Variants in QPCTL observed in about 807,000 individuals in gnomAD.
QPCTL encodes glutaminyl-peptide cyclotransferase-like protein.
QPCTL carries 31 observed loss-of-function variants against 34.6 expected under a neutral mutation model. That is an observed-to-expected ratio of 0.90 (90% CI 0.67 to 1.21). The LOEUF (loss-of-function observed/expected upper bound fraction) is 1.21, where lower values mean the gene tolerates loss of function less well. Among genes scored for constraint, QPCTL ranks in the 50% most tolerant of loss-of-function variants. The pLI is 0.00. For synonymous variants in QPCTL, 223 were observed against 226.9 expected (o/e 0.98, Z 0.15); for missense variants, 474 against 507.8 (o/e 0.93, Z 0.64).
At chr19:45,698,446 A>G in intron 3 of QPCTL, 101 bp from the exon 4 acceptor site, 1 of 1,406,938 alleles carries the variant, frequency 7.1e-7, no homozygotes, top group Admixed American at 2.1e-5. Context: ...AGGACACCTT[A>G]TGTGTTCTCT....
chr19:45,695,875 C>T (rs1274577577), intron 3 of QPCTL, among the ~76,000 whole-genome samples, 157 bp downstream of exon 3: 2 of 149,316 alleles, frequency 1.3e-5, no homozygotes, highest in Non-Finnish European at 3.0e-5. Context: ...GACGGAGTTT[C>T]GCTCTTGTTC....
intron 5 of QPCTL, among the ~76,000 whole-genome samples, chr19:45,700,943 G>T (rs1318852545): frequency 7.6e-6 from 1 of 130,976 alleles, no homozygotes; most frequent in Non-Finnish European, 1.6e-5. Flanking sequence ...TGGCGACAGA[G>T]CAAGACTCTG....
rs753728891 is a variant in QPCTL, at chr19:45,703,580, C to G, written c.*531C>G. On this transcript the variant is annotated 3_prime_UTR_variant, in exon 7 of 7. Transcript: ENST00000012049. ...TCCTGACCTTGTAATCCGCCAGCCT[C>G]GGCCTCCCAAAGTGCTGGGATTACA... is the stretch of plus-strand genomic sequence containing the variant. 1 of 152,530 alleles carries G rather than the reference C, an allele frequency of 6.6e-6. No homozygotes were observed. The highest frequency in any genetic ancestry group is 1.9e-4 in the East Asian group (1 of 5,160). 9.4% of individuals were successfully genotyped at this position (152,530 alleles called of 1,614,324 possible). A position where few individuals can be genotyped will look rare whatever the true frequency, so the allele number is the denominator to read the frequency against.
chr19:45,695,507 C>T lies in QPCTL; in HGVS notation c.422C>T (p.Thr141Ile). The change falls in exon 3 of 7, where the codon ACA becomes ATA. Residue 141 changes from threonine (T) to isoleucine (I), a missense_variant. Physicochemically the swap from Thr to Ile is moderately conservative, Grantham distance 89. Coordinates refer to ENST00000012049, the MANE Select transcript of QPCTL (RefSeq NM_017659.4). ...GAGCTGGATCCCTTCACAGCCTCAA[C>T]ACCCCTGGGGCCAGTGGACTTTGGC... Reference protein sequence around the residue: ...HVELDPFTASTPLGPVDFGNV... With the variant: ...HVELDPFTASIPLGPVDFGNV... 6.2e-7 allele frequency: 1 copy of T among 1,614,100 alleles called. No individual in the cohort carries two copies. The highest frequency in any genetic ancestry group is 1.1e-5 in the South Asian group (1 of 91,076).
In QPCTL at chr19:45,692,750, G is replaced by C. The variant is rs1468012264; in HGVS notation, c.47G>C (p.Arg16Pro). 2 of 1,578,680 alleles carry C rather than the reference G, an allele frequency of 1.3e-6. No individual in the cohort carries two copies. Among genetic ancestry groups the C allele is most frequent in the South Asian group, 2.3e-5 (2 of 87,396 alleles). Residue 16 changes from arginine to proline, a missense_variant, in exon 1 of 7, where the codon CGT becomes CCT. Transcript: ENST00000012049. ...RGRPRLRLGE[R>P]GLMEPLLPPK... ...CGACCCCGCCTGCGGCTGGGGGAAC[G>C]TGGCCTCATGGAGCCACTCTTGCCG...
intron 3 of QPCTL, 118 bp from the exon 4 acceptor site, chr19:45,698,429 A>G (rs1217075804): frequency 4.0e-6 from 5 of 1,244,872 alleles, no homozygotes; most frequent in Middle Eastern, 2.8e-4. Context: ...ACCACGTTCT[A>G]TGAGTGAGGA....
intron 6 of QPCTL, 64 bp from the exon 7 acceptor site, chr19:45,702,840 G>A (rs62111730): frequency 0.34 from 549,363 of 1,602,578 alleles, 96,391 homozygotes; most frequent in Non-Finnish European, 0.36. Flanking sequence ...CTAGAGGTTG[G>A]GCTTGGGCTC....
Position 45,695,705 on chromosome 19 carries a change from G to C in QPCTL, c.620G>C (p.Arg207Thr). The C allele has an allele frequency of 6.2e-7, 1 of 1,609,906 alleles. No homozygotes were observed. Among genetic ancestry groups the C allele is most frequent in the Non-Finnish European group, 8.5e-7 (1 of 1,179,014 alleles). Residue 207 changes from arginine (R) to threonine (T), a missense_variant, in exon 3 of 7, where the codon AGG (arginine) becomes ACG (threonine). Arg to Thr is a moderately conservative substitution (Grantham distance 71). Coordinates refer to ENST00000012049, the MANE Select transcript of QPCTL (RefSeq NM_017659.4). ...LAQALDLELS[R>T]AKKQAAPVTL... The stretch of plus-strand genomic sequence containing the variant: ...CAAGCACTTGACCTGGAGCTGAGCA[G>C]GGCCAAAAAACAGGTGAGGAGCAGG...
At position 45,695,535 on chromosome 19, in the gene QPCTL, T is replaced by A; in HGVS notation, c.450T>A (p.Asn150Lys). 1.2e-6 allele frequency: 2 copies of A among 1,614,092 alleles called. No homozygotes were observed. The highest frequency in any genetic ancestry group is 1.6e-4 in the Middle Eastern group (1 of 6,062). Residue 150 changes from asparagine to lysine, a missense_variant, in exon 3 of 7, where the codon AAT becomes AAA. Coordinates refer to ENST00000012049, the MANE Select transcript of QPCTL (RefSeq NM_017659.4). Reference sequence around the variant, plus strand: ...CCCTGGGGCCAGTGGACTTTGGCAATGTGGTGGCCACACTGGACCCAAGGG... The same window carrying A: ...CCCTGGGGCCAGTGGACTTTGGCAAAGTGGTGGCCACACTGGACCCAAGGG... ...STPLGPVDFG[N>K]VVATLDPRAA...
chr19:45,697,342 C>T (rs548742406), intron 3 of QPCTL, among the ~76,000 whole-genome samples: 2 of 147,394 alleles, frequency 1.4e-5, no homozygotes, highest in Non-Finnish European at 3.0e-5. Context: ...AGGAGAATGG[C>T]GTGAACTCGG....
chr19:45,700,474 A>T (rs1267826367), intron 5 of QPCTL, among the ~76,000 whole-genome samples: 6 of 151,992 alleles, frequency 3.9e-5, no homozygotes, highest in African/African-American at 1.4e-4. Flanking sequence ...CAAATAAATA[A>T]ATAAGAAAAT....
At position 45,698,556 on chromosome 19, in the gene QPCTL, G is replaced by A. The variant is rs1304649558; in HGVS notation, c.643G>A (p.Val215Met). The change falls in exon 4 of 7, where the codon GTG becomes ATG. Residue 215 changes from valine to methionine, a missense_variant. Coordinates refer to ENST00000012049, the MANE Select transcript of QPCTL (RefSeq NM_017659.4). ...LSRAKKQAAP[V>M]TLQLLFLDGE... is the part of the protein sequence containing the mutation. ...CCTGCTGCTCCCACAGGCAGCCCCG[G>A]TGACCCTGCAACTGCTCTTCTTGGA... 1 of 1,614,000 alleles carries A rather than the reference G, an allele frequency of 6.2e-7. No homozygotes were observed. Among genetic ancestry groups the A allele is most frequent in the Non-Finnish European group, 8.5e-7 (1 of 1,179,976 alleles).
In QPCTL at chr19:45,699,888, C is replaced by T. The variant is rs375234409; in HGVS notation, c.886+988C>T. Among the ~76,000 whole-genome samples the T allele has an allele frequency of 9.4e-4, 139 of 148,526 alleles. 1 individual carries two copies. In the South Asian group the frequency reaches 0.02, roughly 22 times the overall value. On this transcript the variant is annotated intron_variant, in intron 5 of 6. Transcript: ENST00000012049. ...CGGAGGTTGCAGTGAGCCGAGATCA[C>T]GCCACTGCACTCCAGCCTGGGCAAC...
Position 45,701,896 on chromosome 19 carries a change from A to G in QPCTL, c.985A>G (p.Ile329Val), listed in dbSNP as rs1361264177. The change falls in exon 6 of 7, where the codon ATC becomes GTC. Residue 329 changes from isoleucine (I) to valine (V), a missense_variant. By Grantham distance (29) the Ile-to-Val change is conservative. Transcript: ENST00000012049. ...EPFGSVEDDHIPFLRRGVPVL... is the reference protein window; with the variant it reads ...EPFGSVEDDHVPFLRRGVPVL... The stretch of plus-strand genomic sequence containing the variant: ...CTTTGGCTCTGTGGAAGACGACCAC[A>G]TCCCCTTCCTCCGCAGAGGTACCAG... 2 of 1,612,690 alleles carry G rather than the reference A, an allele frequency of 1.2e-6. No homozygotes were observed. The highest frequency in any genetic ancestry group is 2.2e-5 in the East Asian group (1 of 44,870).
At chr19:45,700,907 C>T (rs903670411) in intron 5 of QPCTL, among the ~76,000 whole-genome samples, 4 of 143,394 alleles carry the variant, frequency 2.8e-5, no homozygotes, top group Non-Finnish European at 6.0e-5. Flanking sequence ...TGCAGTGAGC[C>T]GAGATTGTGC....
At chr19:45,697,037 T>G (rs1462212234) in intron 3 of QPCTL, among the ~76,000 whole-genome samples, 2 of 151,948 alleles carry the variant, frequency 1.3e-5, no homozygotes, top group African/African-American at 4.8e-5. Flanking sequence ...GGAGGATCAC[T>G]TGAAACTGAG....
rs757695890 is a variant in QPCTL, at chr19:45,698,816, C to G, written c.802C>G (p.Leu268Val). 6 of 1,614,046 alleles carry G rather than the reference C, an allele frequency of 3.7e-6. No individual in the cohort carries two copies. Among genetic ancestry groups the G allele is most frequent in the East Asian group, 2.2e-5 (1 of 44,876 alleles). The change falls in exon 5 of 7, where the codon CTT becomes GTT. Residue 268 changes from leucine to valine, a missense_variant. Transcript: ENST00000012049. ...RIQAIELFML[L>V]DLLGAPNPTF... ...TTCTCCTTAGGAGCTCTTTATGCTT[C>G]TTGATCTCCTGGGAGCCCCCAATCC...
In QPCTL at chr19:45,695,657, G is replaced by GT. The variant is rs749742076; in HGVS notation, c.573dup (p.Ala192CysfsTer11). ...GGGGCCACGGATTCGGCTGTGCCCT[G>GT]TGCCCTGCTGCTGGAGCTGGCCCAA... is the stretch of plus-strand genomic sequence containing the variant. On this transcript the variant is annotated frameshift_variant, in exon 3 of 7. Transcript: ENST00000012049. LOFTEE classifies it high-confidence loss of function. 1 of 1,613,768 alleles carries GT rather than the reference G, an allele frequency of 6.2e-7. No individual in the cohort carries two copies. The highest frequency in any genetic ancestry group is 8.5e-7 in the Non-Finnish European group (1 of 1,179,954).
intron 1 of QPCTL, 54 bp downstream of exon 1, chr19:45,692,964 G>C (rs1967603965): frequency 1.3e-6 from 2 of 1,489,678 alleles, no homozygotes; most frequent in African/African-American, 1.4e-5. Context: ...CCTCCCCGCT[G>C]TTACCCAGGG....
Sources: allele counts gnomAD v4.1 joint callset (sites outside exome capture counted in the v4.1 genomes callset), GRCh38; gene constraint gnomAD v4.1.1; transcripts MANE v1.5; gene names NCBI Gene and HGNC (gene_info 2026-07-23, HGNC 2026-07-21).